Variants in SHISA9 observed in about 807,000 individuals in gnomAD.
The protein encoded by SHISA9 is protein shisa-9.
In SHISA9, 13 loss-of-function variants were observed where a neutral mutation model predicts 38.0. The ratio of observed to expected loss-of-function variants is 0.34; its 90% CI spans 0.22 to 0.54. The LOEUF (loss-of-function observed/expected upper bound fraction) is 0.54. SHISA9 is among the 20% of genes least tolerant of loss of function. The probability of loss-of-function intolerance (pLI) is 0.91; values close to 1 mark genes in which losing one functional copy is unlikely to be tolerated. For missense variants in SHISA9, 538 were observed against 575.8 expected (o/e 0.93, Z 0.67); for synonymous variants, 275 against 242.0 (o/e 1.14, Z -1.27).
chr16:13,032,135 G>A (rs960459537), intron 2 of SHISA9, among the ~76,000 whole-genome samples: 7 of 151,792 alleles, frequency 4.6e-5, no homozygotes, highest in African/African-American at 1.2e-4. Flanking sequence ...TTTAAGCCCC[G>A]CGTGCATTAG....
At chr16:13,448,838 C>T in the SHISA9 span, among the ~76,000 whole-genome samples, 2 of 152,134 alleles carry the variant, frequency 1.3e-5, no homozygotes, top group East Asian at 1.9e-4. Context: ...TGTGTGGCTC[C>T]GTGGGTGCCC....
the SHISA9 span, among the ~76,000 whole-genome samples, chr16:13,291,084 G>C: frequency 6.6e-6 from 1 of 152,122 alleles, no homozygotes; most frequent in Non-Finnish European, 1.5e-5. Flanking sequence ...AACTGCAGTT[G>C]ACTGGCTGCT....
the SHISA9 span, among the ~76,000 whole-genome samples, chr16:13,329,124 C>T: frequency 6.6e-6 from 1 of 152,090 alleles, no homozygotes; most frequent in African/African-American, 2.4e-5. Flanking sequence ...GGCAAAGGCC[C>T]CATTTGCATA....
At chr16:13,446,209 T>C in the SHISA9 span, among the ~76,000 whole-genome samples, 10 of 152,130 alleles carry the variant, frequency 6.6e-5, no homozygotes, top group African/African-American at 2.4e-4. Flanking sequence ...CCTCCCAAAG[T>C]GCTGGGATTA....
intron 2 of SHISA9, among the ~76,000 whole-genome samples, chr16:13,051,533 C>G (rs2073250990): frequency 6.6e-6 from 1 of 152,194 alleles, no homozygotes; most frequent in Non-Finnish European, 1.5e-5. Context: ...ACTTTACACA[C>G]CTTCTCATCC....
chr16:13,397,415 G>GGTTTGTTT, the SHISA9 span, among the ~76,000 whole-genome samples: 3,016 of 151,842 alleles, frequency 0.02, 97 homozygotes, highest in African/African-American at 0.068. Context: ...CAGTGTTTTT[G>GGTTTGTTT]GTTTGTTTGT....
At chr16:12,929,937 T>C (rs889293980) in intron 2 of SHISA9, among the ~76,000 whole-genome samples, 1 of 152,210 alleles carries the variant, frequency 6.6e-6, no homozygotes, top group Non-Finnish European at 1.5e-5. Context: ...TGTTTAGGTC[T>C]TGGGTAAACT....
the SHISA9 span, among the ~76,000 whole-genome samples, chr16:13,254,618 T>C: frequency 6.6e-6 from 1 of 152,240 alleles, no homozygotes; most frequent in Non-Finnish European, 1.5e-5. Context: ...GCAATTACCA[T>C]GACGTTCTTT....
At chr16:13,242,638 G>A (rs1480126718), downstream of SHISA9, among the ~76,000 whole-genome samples, 3 of 152,168 alleles carry the variant, frequency 2.0e-5, no homozygotes, top group Non-Finnish European at 2.9e-5. Context: ...ATGCCAATTT[G>A]CCACGTGCCT....
chr16:13,308,798 C>A, the SHISA9 span, among the ~76,000 whole-genome samples: 6 of 152,196 alleles, frequency 3.9e-5, no homozygotes, highest in Non-Finnish European at 8.8e-5. Context: ...AGGGTTCCAA[C>A]TGGGTCAAAT....
chr16:12,993,696 CCACT>C (rs2072419809), intron 2 of SHISA9, among the ~76,000 whole-genome samples: 1 of 152,074 alleles, frequency 6.6e-6, no homozygotes, highest in South Asian at 2.1e-4. Context: ...TTGTAAGTAC[CCACT>C]TATAATTTCA....
chr16:13,066,235 T>C (rs1326366256), intron 2 of SHISA9, among the ~76,000 whole-genome samples: 1 of 152,238 alleles, frequency 6.6e-6, no homozygotes, highest in African/African-American at 2.4e-5. Context: ...TCTTTCCTTA[T>C]CTGCACTTGA....
At chr16:12,929,224 A>T (rs1336350619) in intron 2 of SHISA9, among the ~76,000 whole-genome samples, 1 of 152,242 alleles carries the variant, frequency 6.6e-6, no homozygotes, top group African/African-American at 2.4e-5. Context: ...TGTGGGAGAC[A>T]GTGTGGTGAG....
intron 2 of SHISA9, among the ~76,000 whole-genome samples, chr16:13,048,738 T>C (rs923894793): frequency 2.0e-5 from 3 of 152,202 alleles, no homozygotes; most frequent in African/African-American, 7.2e-5. Flanking sequence ...CAGCATTTTT[T>C]AAAAAGGACT....
chr16:13,077,074 A>C (rs2073590940), intron 2 of SHISA9, among the ~76,000 whole-genome samples: 1 of 152,204 alleles, frequency 6.6e-6, no homozygotes. Context: ...TACCTCACAG[A>C]TGCCAAGGGC....
the SHISA9 span, among the ~76,000 whole-genome samples, chr16:13,330,518 A>G: frequency 6.6e-6 from 1 of 152,164 alleles, no homozygotes. Context: ...TATTCTATGA[A>G]TGTACAAGCA....
intron 2 of SHISA9, among the ~76,000 whole-genome samples, chr16:13,057,041 CAAAAGGA>C (rs1402448620): frequency 1.3e-5 from 2 of 152,120 alleles, no homozygotes; most frequent in Non-Finnish European, 2.9e-5. Flanking sequence ...AAGCATATTG[CAAAAGGA>C]AAATACAAAC....
the SHISA9 span, among the ~76,000 whole-genome samples, chr16:13,370,421 A>G: frequency 6.6e-6 from 1 of 152,224 alleles, no homozygotes; most frequent in Non-Finnish European, 1.5e-5. Flanking sequence ...GTTTAGCAGT[A>G]GGTCTGGGAT....
the SHISA9 span, among the ~76,000 whole-genome samples, chr16:13,300,142 G>A: frequency 6.6e-6 from 1 of 152,100 alleles, no homozygotes; most frequent in Admixed American, 6.6e-5. Flanking sequence ...ATGGAGGCAG[G>A]AAGAACAAAG....
Sources: allele counts gnomAD v4.1 joint callset (sites outside exome capture counted in the v4.1 genomes callset), GRCh38; gene constraint gnomAD v4.1.1; transcripts MANE v1.5; gene names NCBI Gene and HGNC (gene_info 2026-07-23, HGNC 2026-07-21).